The following GRIN2B variants were observed in gnomAD, a reference collection of about 807,000 sequenced individuals.
GRIN2B encodes glutamate ionotropic receptor NMDA type subunit 2B.
GRIN2B carries 5 observed loss-of-function variants against 114.5 expected under a neutral mutation model. That is an observed-to-expected ratio of 0.04 (90% CI 0.02 to 0.09). The LOEUF is 0.09. Ranked by LOEUF, GRIN2B falls within the 10% of genes least tolerant of loss-of-function variation. GRIN2B has a pLI of 1.00. For synonymous variants in GRIN2B, 787 were observed against 745.1 expected, an observed-to-expected ratio of 1.06 and a Z score of -0.92; for missense variants, 1,108 against 1,943.5, an observed-to-expected ratio of 0.57 and a Z score of 8.08.
chr12:13,728,986 T>G (rs1392620860), intron 4 of GRIN2B, among the ~76,000 whole-genome samples: 2 of 152,150 alleles, frequency 1.3e-5, no homozygotes, highest in Non-Finnish European at 2.9e-5. Flanking sequence ...TCAGTAAAAC[T>G]CTCTCCATAC....
Position 13,552,969 on chromosome 12 carries a change from A to C in GRIN2B, c.*9814T>G, listed in dbSNP as rs915962581. The C allele has an allele frequency of 5.9e-5, 9 of 152,142 alleles. No homozygotes were observed. Among genetic ancestry groups the C allele is most frequent in the Admixed American group, 2.0e-4 (3 of 15,278 alleles). 9.4% of individuals were successfully genotyped at this position (152,142 alleles called of 1,614,324 possible). On this transcript the variant is annotated 3_prime_UTR_variant, in exon 14 of 14. Transcript: ENST00000609686. Reference sequence around the variant, plus strand: ...AGTTCAGTTCTCTATAGTATGCTTTAAATTAGCACACAGTGGCAGAAGATG... The same window carrying C: ...AGTTCAGTTCTCTATAGTATGCTTTCAATTAGCACACAGTGGCAGAAGATG...
intron 3 of GRIN2B, among the ~76,000 whole-genome samples, chr12:13,862,187 TCTTA>T (rs1394915747): frequency 1.2e-4 from 19 of 152,332 alleles, no homozygotes; most frequent in Admixed American, 7.8e-4. Flanking sequence ...TAATTAATGT[TCTTA>T]CTGATTAATT....
intron 3 of GRIN2B, among the ~76,000 whole-genome samples, chr12:13,835,032 C>T (rs1380605318): frequency 6.6e-6 from 1 of 152,160 alleles, no homozygotes. Context: ...GGACAGAGCA[C>T]CAGCAATTAA....
Position 13,811,326 on chromosome 12 carries a change from G to T in GRIN2B, c.411+54472C>A, listed in dbSNP as rs117365614. Among the ~76,000 whole-genome samples, 439 of 152,006 alleles carry T rather than the reference G, an allele frequency of 2.9e-3. 3 individuals are homozygous for T. The highest frequency in any genetic ancestry group is 5.0e-3 in the Non-Finnish European group (337 of 67,966). On this transcript the variant is annotated intron_variant, in intron 3 of 13. Coordinates refer to ENST00000609686, the MANE Select transcript of GRIN2B (RefSeq NM_000834.5). The stretch of plus-strand genomic sequence containing the variant: ...GTAATCCCAGGTTTTGGTTTTTTTT[G>T]GTTTCGGTTTACTTTAGGAAGCTGA...
intron 2 of GRIN2B, among the ~76,000 whole-genome samples, chr12:13,898,186 AT>A (rs1414379919): frequency 6.6e-6 from 1 of 152,044 alleles, no homozygotes; most frequent in African/African-American, 2.4e-5. Context: ...CAGGCTGCAA[AT>A]GGGAACTATT....
intron 3 of GRIN2B, among the ~76,000 whole-genome samples, chr12:13,801,041 C>G (rs548977992): frequency 6.6e-6 from 1 of 152,200 alleles, no homozygotes; most frequent in Non-Finnish European, 1.5e-5. Flanking sequence ...GGTTGAATGC[C>G]TAATACGCCG....
intron 4 of GRIN2B, among the ~76,000 whole-genome samples, chr12:13,726,229 A>T (rs1251487732): frequency 6.6e-6 from 1 of 151,178 alleles, no homozygotes; most frequent in East Asian, 1.9e-4. Flanking sequence ...AGGGGCCAAT[A>T]TTTTTTTTTA....
chr12:13,923,603 G>A (rs1429667692), intron 2 of GRIN2B, among the ~76,000 whole-genome samples: 3 of 152,180 alleles, frequency 2.0e-5, no homozygotes, highest in Non-Finnish European at 4.4e-5. Flanking sequence ...GGAGTTTAGA[G>A]ACGTTTACTA....
chr12:13,825,911 A>T (rs1195727120), intron 3 of GRIN2B, among the ~76,000 whole-genome samples: 1 of 152,138 alleles, frequency 6.6e-6, no homozygotes, highest in Non-Finnish European at 1.5e-5. Context: ...CCAATCTGTC[A>T]ATATATGCCT....
In GRIN2B at chr12:13,753,469, G is replaced by A. The variant is rs1355944609; in HGVS notation, c.858C>T (p.Asp286=). 3 of 1,614,132 alleles carry A rather than the reference G, an allele frequency of 1.9e-6. No homozygotes were observed. The highest frequency in any genetic ancestry group is 1.7e-6 in the Non-Finnish European group (2 of 1,179,984). The change falls in exon 4 of 14, where the codon GAC becomes GAT. Residue 286 remains aspartate, a synonymous_variant. Transcript: ENST00000609686. The surrounding 1 kb of genome is among the most constrained non-coding windows in gnomAD (Gnocchi z 6.2). ...CTCTCACTCTGGCGGGGAGGCCATA[G>A]TCCCATTCATCATATGATACAGAGA... is the stretch of plus-strand genomic sequence containing the variant. The part of the protein sequence containing the change: ...GLISVSYDEW[D]YGLPARVRDG...
chr12:13,631,692 A>G (rs776065198), intron 5 of GRIN2B, among the ~76,000 whole-genome samples: 12 of 152,194 alleles, frequency 7.9e-5, no homozygotes, highest in Non-Finnish European at 1.3e-4. Flanking sequence ...CTGGATTCAA[A>G]TCCTGATTTG....
chr12:13,943,904 C>A (rs1472050894), intron 2 of GRIN2B, among the ~76,000 whole-genome samples: 1 of 152,120 alleles, frequency 6.6e-6, no homozygotes, highest in East Asian at 1.9e-4. Context: ...GAGGCAGTGA[C>A]CTGGTCTCGC....
chr12:13,686,496 G>C (rs1950175183), intron 4 of GRIN2B, among the ~76,000 whole-genome samples: 1 of 152,076 alleles, frequency 6.6e-6, no homozygotes, highest in Non-Finnish European at 1.5e-5. Context: ...TCTGTAGGTT[G>C]ATGTTTCCAT....
At chr12:13,676,699 C>T (rs1433705467) in intron 4 of GRIN2B, among the ~76,000 whole-genome samples, 5 of 152,168 alleles carry the variant, frequency 3.3e-5, no homozygotes. Context: ...GAGTCTCCCT[C>T]TATCCCAGAG....
intron 4 of GRIN2B, among the ~76,000 whole-genome samples, chr12:13,722,247 G>C (rs893763319): frequency 2.6e-5 from 4 of 152,102 alleles, no homozygotes; most frequent in African/African-American, 9.7e-5. Flanking sequence ...CAGACGTGTG[G>C]TCAAGGATTT....
At chr12:13,728,139 A>G (rs1863023719) in intron 4 of GRIN2B, among the ~76,000 whole-genome samples, 1 of 152,180 alleles carries the variant, frequency 6.6e-6, no homozygotes, top group Admixed American at 6.5e-5. Context: ...GCACTCAGGA[A>G]ATGGTGGTTG....
At chr12:13,963,954 T>C (rs1345780851) in intron 2 of GRIN2B, among the ~76,000 whole-genome samples, 1 of 152,100 alleles carries the variant, frequency 6.6e-6, no homozygotes, top group Admixed American at 6.5e-5. Flanking sequence ...ATATCAACTT[T>C]GAGAGGGGAG....
chr12:13,944,693 A>G (rs1867331596), intron 2 of GRIN2B, among the ~76,000 whole-genome samples: 1 of 152,234 alleles, frequency 6.6e-6, no homozygotes, highest in South Asian at 2.1e-4. Context: ...AAGGCCATGA[A>G]GTTAGTTAGG....
rs146229541 is a variant in GRIN2B, at chr12:13,625,770, A to G, written c.1126-9113T>C. On this transcript the variant is annotated intron_variant, in intron 5 of 13. Transcript: ENST00000609686. The stretch of plus-strand genomic sequence containing the variant: ...TATTTTCATTCACGTGCAAATAAAA[A>G]CAGAAATCACAGGAATAAAAATGCC... Among the ~76,000 whole-genome samples, 78 of 152,306 alleles carry G rather than the reference A, an allele frequency of 5.1e-4. No homozygotes were observed. In the East Asian group the frequency reaches 5.2e-3, roughly 10 times the overall value.
Sources: allele counts gnomAD v4.1 joint callset (sites outside exome capture counted in the v4.1 genomes callset), GRCh38; gene constraint gnomAD v4.1.1; non-coding constraint Gnocchi (gnomAD v3.1); transcripts MANE v1.5; gene names NCBI Gene and HGNC (gene_info 2026-07-23, HGNC 2026-07-21).